The following CDC42BPA variants were observed in gnomAD, a reference collection of about 807,000 sequenced individuals.
The protein encoded by CDC42BPA is CDC42 binding protein kinase alpha.
CDC42BPA carries 80 observed loss-of-function variants against 223.5 expected under a neutral mutation model. The ratio of observed to expected loss-of-function variants is 0.36; its 90% CI spans 0.30 to 0.43. The LOEUF (loss-of-function observed/expected upper bound fraction) is 0.43. Ranked by LOEUF, CDC42BPA falls within the 20% of genes least tolerant of loss-of-function variation. The pLI is 1.00. For missense variants in CDC42BPA, 1,743 were observed against 2,099.9 expected, an observed-to-expected ratio of 0.83 and a Z score of 3.32; for synonymous variants, 694 against 718.6, an observed-to-expected ratio of 0.97 and a Z score of 0.55.
chr1:227,016,089 A>T lies in CDC42BPA; in HGVS notation c.4848T>A (p.Asp1616Glu). 6.4e-7 allele frequency: 1 copy of T among 1,566,044 alleles called. No individual in the cohort carries two copies. The highest frequency in any genetic ancestry group is 8.8e-7 in the Non-Finnish European group (1 of 1,136,670). The change falls in exon 34 of 37, where the codon GAT becomes GAA. Residue 1616 changes from aspartate to glutamate, a missense_variant. Asp to Glu is a conservative substitution (Grantham distance 45). Transcript: ENST00000366766. ...GPGDGIQILK[D>E]LPMNPRPQES... ...TCTTAATTCCTCTTACCATGGGCAGATCTTTCAGGATCTGTATTCCATCTC... is the reference window on the plus strand; with the variant it reads ...TCTTAATTCCTCTTACCATGGGCAGTTCTTTCAGGATCTGTATTCCATCTC...
At chr1:227,276,684 G>C (rs540281779) in intron 1 of CDC42BPA, among the ~76,000 whole-genome samples, 124 of 152,368 alleles carry the variant, frequency 8.1e-4, no homozygotes, top group South Asian at 4.1e-3. Flanking sequence ...TGCTGTGTCT[G>C]TGTAGAAAGA....
At chr1:227,000,418 A>C (rs1020364803) in intron 35 of CDC42BPA, among the ~76,000 whole-genome samples, 7 of 152,314 alleles carry the variant, frequency 4.6e-5, no homozygotes, top group African/African-American at 1.7e-4. Context: ...AATAATGAAA[A>C]AATTACTTTA....
intron 11 of CDC42BPA, among the ~76,000 whole-genome samples, chr1:227,123,856 A>T (rs895574203): frequency 5.3e-5 from 8 of 151,908 alleles, no homozygotes; most frequent in South Asian, 2.1e-4. Flanking sequence ...AGAGAGAGAG[A>T]GTGTGTGTGT....
intron 10 of CDC42BPA, among the ~76,000 whole-genome samples, chr1:227,130,316 A>G (rs546833062): frequency 6.6e-6 from 1 of 152,254 alleles, no homozygotes; most frequent in Non-Finnish European, 1.5e-5. Flanking sequence ...CATAATCCCT[A>G]TATGTTTGGC....
At chr1:227,305,019 T>C (rs189974181) in intron 1 of CDC42BPA, among the ~76,000 whole-genome samples, 1 of 151,612 alleles carries the variant, frequency 6.6e-6, no homozygotes, top group African/African-American at 2.4e-5. Flanking sequence ...TAAGTGGCCA[T>C]TCCCTTCTCC....
At chr1:227,193,962 C>G (rs1670225672) in intron 4 of CDC42BPA, 28 bp from the exon 5 acceptor site, 1 of 1,551,276 alleles carries the variant, frequency 6.4e-7, no homozygotes, top group African/African-American at 1.4e-5. Flanking sequence ...AAAATGTACT[C>G]AGTAAACTAA....
At chr1:227,081,452 CTCTCTT>C (rs1051552021) in intron 16 of CDC42BPA, among the ~76,000 whole-genome samples, 18 of 137,986 alleles carry the variant, frequency 1.3e-4, no homozygotes, top group East Asian at 6.2e-4. Flanking sequence ...CCTGTTCTCT[CTCTCTT>C]TTTTTTTTTT....
intron 21 of CDC42BPA, chr1:227,059,508 A>G: frequency 1.8e-6 from 2 of 1,102,568 alleles, no homozygotes; most frequent in Non-Finnish European, 2.7e-6. Flanking sequence ...GTATATAAAC[A>G]TACATATAAA....
intron 14 of CDC42BPA, 93 bp downstream of exon 14, chr1:227,112,219 T>C: frequency 1.7e-6 from 1 of 594,818 alleles, no homozygotes; most frequent in Non-Finnish European, 2.8e-6. Context: ...TAGTTTTCAC[T>C]GCACACCGAA....
intron 5 of CDC42BPA, among the ~76,000 whole-genome samples, chr1:227,172,086 C>T (rs1009055598): frequency 2.6e-5 from 4 of 152,092 alleles, no homozygotes; most frequent in Non-Finnish European, 5.9e-5. Context: ...TAAAATGAAA[C>T]TGCTTTTTGA....
intron 1 of CDC42BPA, among the ~76,000 whole-genome samples, chr1:227,315,640 T>C (rs921547712): frequency 2.0e-5 from 3 of 151,720 alleles, no homozygotes; most frequent in African/African-American, 7.3e-5. Flanking sequence ...TAAAACTACA[T>C]ATGCTTTACA....
intron 6 of CDC42BPA, among the ~76,000 whole-genome samples, chr1:227,152,491 A>G (rs865994501): frequency 4.6e-5 from 7 of 152,184 alleles, no homozygotes; most frequent in South Asian, 2.1e-4. Context: ...GATAAACTCT[A>G]GACAGCAGGT....
chr1:227,199,657 AAC>A lies in CDC42BPA; in HGVS notation c.355-7_355-6del. 1 of 1,540,730 alleles carries A rather than the reference AAC, an allele frequency of 6.5e-7. No homozygotes were observed. Among genetic ancestry groups the A allele is most frequent in the East Asian group, 2.3e-5 (1 of 44,356 alleles). ...TTCTTCACGAAAACATGCTGTCTGA[AAC>A]ACAAAAAGAAAATTTTTAGAGCATA... On this transcript the variant is annotated splice_polypyrimidine_tract_variant and splice_region_variant and intron_variant, in intron 3 of 36. Transcript: ENST00000366766.
chr1:227,083,571 T>C (rs1329802127), intron 16 of CDC42BPA, among the ~76,000 whole-genome samples: 1 of 152,206 alleles, frequency 6.6e-6, no homozygotes, highest in Non-Finnish European at 1.5e-5. Flanking sequence ...CTGTTGAATT[T>C]TTCTCTTGGT....
Position 227,047,910 on chromosome 1 carries a change from A to C in CDC42BPA, c.3093+17T>G. 6.7e-7 allele frequency: 1 copy of C among 1,499,310 alleles called. No individual in the cohort carries two copies. The allele number at this position is 1,499,310 out of a possible 1,614,324, so 92.9% of individuals were successfully genotyped here. A position where few individuals can be genotyped will look rare whatever the true frequency, so the allele number is the denominator to read the frequency against. On this transcript the variant is annotated intron_variant, in intron 23 of 36. Transcript: ENST00000366766. ...ATTTTTTTTGGAACACACTATGCTT[A>C]TAACTAGATTGAGTACCTTAGGTGG... is the stretch of plus-strand genomic sequence containing the variant.
At chr1:227,083,384 T>G (rs1681122754) in intron 16 of CDC42BPA, among the ~76,000 whole-genome samples, 1 of 152,214 alleles carries the variant, frequency 6.6e-6, no homozygotes, top group Admixed American at 6.5e-5. Context: ...TCCTGGAAAT[T>G]CTATTTGACA....
rs190583596 is a variant in CDC42BPA at position 227,232,710 on chromosome 1, A to G, written c.271-19491T>C. Among the ~76,000 whole-genome samples, 279 of 152,352 alleles carry G rather than the reference A, an allele frequency of 1.8e-3. 1 individual carries two copies. The highest frequency in any genetic ancestry group is 4.3e-3 in the Admixed American group (66 of 15,310). On this transcript the variant is annotated intron_variant, in intron 2 of 36. Transcript: ENST00000366766. ...GACCATTTGCCTAGGTATCACCAGC[A>G]GAGGCTGCAGAACAGCAAATATTGC...
chr1:227,270,083 C>T (rs1392101060), intron 1 of CDC42BPA, among the ~76,000 whole-genome samples: 2 of 151,972 alleles, frequency 1.3e-5, no homozygotes, highest in Non-Finnish European at 2.9e-5. Context: ...AACACTATAC[C>T]CACATATATC....
chr1:227,082,714 C>CAA (rs71574595), intron 16 of CDC42BPA, among the ~76,000 whole-genome samples: 5,338 of 59,254 alleles, frequency 0.09, 699 homozygotes, highest in Non-Finnish European at 0.13. Flanking sequence ...GACTCTGTCT[C>CAA]AAAAAAAAAA....
Sources: allele counts gnomAD v4.1 joint callset (sites outside exome capture counted in the v4.1 genomes callset), GRCh38; gene constraint gnomAD v4.1.1; transcripts MANE v1.5; gene names NCBI Gene and HGNC (gene_info 2026-07-23, HGNC 2026-07-21).